The following RFPL1 variants were observed in gnomAD, a reference collection of about 807,000 sequenced individuals.
RFPL1 encodes ret finger protein like 1, also known as ret finger protein-like 1.
RFPL1 carries 6 observed loss-of-function variants against 9.6 expected under a neutral mutation model. The observed-to-expected ratio is 0.62, with a 90% confidence interval of 0.34 to 1.23. RFPL1 has a LOEUF of 1.23. Ranked by LOEUF, RFPL1 falls within the 50% of genes most tolerant of loss-of-function variation. The probability of loss-of-function intolerance (pLI) is 0.03; values close to 1 mark genes in which losing one functional copy is unlikely to be tolerated. For synonymous variants in RFPL1, 145 were observed against 149.4 expected, an observed-to-expected ratio of 0.97 and a Z score of 0.22; for missense variants, 352 against 398.4, an observed-to-expected ratio of 0.88 and a Z score of 0.99.
chr22:29,396,695 T>C, the RFPL1 span, among the ~76,000 whole-genome samples: 16 of 152,072 alleles, frequency 1.1e-4, no homozygotes, highest in Non-Finnish European at 2.2e-4. Context: ...TTCAGGCTGG[T>C]CTCGAACTCC....
chr22:29,424,840 C>CCCT, the RFPL1 span, among the ~76,000 whole-genome samples: 1 of 113,454 alleles, frequency 8.8e-6, no homozygotes, highest in Admixed American at 9.1e-5. Context: ...CCCACCCCCC[C>CCCT]CCCCGCAAAA....
the RFPL1 span, among the ~76,000 whole-genome samples, chr22:29,422,915 T>C: frequency 6.6e-6 from 1 of 152,190 alleles, no homozygotes; most frequent in Non-Finnish European, 1.5e-5. Context: ...TTGGAGCTAA[T>C]GTTCTTCCCT....
chr22:29,437,721 A>C, upstream of RFPL1: 7 of 1,588,822 alleles, frequency 4.4e-6, no homozygotes, highest in Non-Finnish European at 6.0e-6. Context: ...AGGAGCTTCC[A>C]GCAGAAGAGG....
the RFPL1 span, among the ~76,000 whole-genome samples, chr22:29,414,802 A>G: frequency 2.6e-5 from 4 of 151,152 alleles, no homozygotes; most frequent in African/African-American, 9.7e-5. Context: ...TGAGTTATGA[A>G]GCTACCTTTT....
At chr22:29,438,063 G>C (rs2062817242), upstream of RFPL1, 1 of 209,446 alleles carries the variant, frequency 4.8e-6, no homozygotes, top group Non-Finnish European at 8.9e-6. Context: ...TTGTAGAGAG[G>C]GGGTCTTCCT....
exon 1 of RFPL1, chr22:29,438,637 C>T (rs2062820957): frequency 1.4e-6 from 2 of 1,474,734 alleles, no homozygotes; most frequent in African/African-American, 1.4e-5. Context: ...TGGACCCTTC[C>T]TCCACCTCAG....
upstream of RFPL1, chr22:29,437,603 T>C (rs1421034374): frequency 6.3e-7 from 1 of 1,581,256 alleles, no homozygotes; most frequent in African/African-American, 1.4e-5. Flanking sequence ...GGTTAGAGGG[T>C]GTGGAAGGGC....
chr22:29,413,211 T>C, the RFPL1 span, among the ~76,000 whole-genome samples: 1 of 151,794 alleles, frequency 6.6e-6, no homozygotes, highest in Non-Finnish European at 1.5e-5. Context: ...TTTAAATATA[T>C]ACAATTAAAA....
At chr22:29,411,137 GGAA>G in the RFPL1 span, among the ~76,000 whole-genome samples, 1 of 152,166 alleles carries the variant, frequency 6.6e-6, no homozygotes, top group Non-Finnish European at 1.5e-5. Context: ...AGCTGGTGGA[GGAA>G]GAAGATCTAA....
exon 2 of RFPL1, chr22:29,441,734 G>A (rs1462988766): frequency 8.1e-6 from 13 of 1,613,866 alleles, no homozygotes; most frequent in Non-Finnish European, 1.1e-5. Flanking sequence ...GTGGGAACAA[G>A]CACAGAATGG....
intron 1 of RFPL1, chr22:29,441,005 C>T (rs1317321989): frequency 6.5e-6 from 1 of 153,366 alleles, no homozygotes; most frequent in Non-Finnish European, 1.5e-5. Flanking sequence ...GGCCTTGGAG[C>T]CTCCTAATGT....
chr22:29,418,491 GTCT>G, the RFPL1 span, among the ~76,000 whole-genome samples: 3 of 146,194 alleles, frequency 2.1e-5, no homozygotes, highest in African/African-American at 2.5e-5. Flanking sequence ...ATTCTTCTTC[GTCT>G]TCTTTTTTTT....
At chr22:29,403,207 C>T in the RFPL1 span, among the ~76,000 whole-genome samples, 4 of 151,774 alleles carry the variant, frequency 2.6e-5, no homozygotes, top group East Asian at 1.9e-4. Context: ...AAAAGTGAGG[C>T]GGAGCCTTGT....
At chr22:29,410,777 C>T in the RFPL1 span, among the ~76,000 whole-genome samples, 2 of 151,172 alleles carry the variant, frequency 1.3e-5, no homozygotes, top group African/African-American at 2.4e-5. Flanking sequence ...TTCCGCATCC[C>T]GAGTAGCTGG....
At chr22:29,440,385 T>C (rs2062832285) in intron 1 of RFPL1, 3 of 152,192 alleles carry the variant, frequency 2.0e-5, no homozygotes, top group African/African-American at 4.8e-5. Flanking sequence ...TGAAGGATCA[T>C]ATGTTCTGTA....
At chr22:29,414,773 C>T in the RFPL1 span, among the ~76,000 whole-genome samples, 1 of 151,516 alleles carries the variant, frequency 6.6e-6, no homozygotes, top group Non-Finnish European at 1.5e-5. Flanking sequence ...AACGGAGTAG[C>T]CCCATACTTT....
At chr22:29,431,804 C>A in the RFPL1 span, among the ~76,000 whole-genome samples, 1 of 151,964 alleles carries the variant, frequency 6.6e-6, no homozygotes, top group Non-Finnish European at 1.5e-5. Flanking sequence ...GATTCTCCTG[C>A]CTCAGCCTCC....
the RFPL1 span, among the ~76,000 whole-genome samples, chr22:29,400,140 A>C: frequency 2.6e-5 from 4 of 151,540 alleles, no homozygotes; most frequent in Non-Finnish European, 4.4e-5. Context: ...GGACTACAGG[A>C]GCCCGCCACC....
At chr22:29,434,199 T>C (rs2062798010), upstream of RFPL1, among the ~76,000 whole-genome samples, 1 of 152,218 alleles carries the variant, frequency 6.6e-6, no homozygotes, top group South Asian at 2.1e-4. Flanking sequence ...AGATATTCAT[T>C]AGATATCTAT....
Sources: gnomAD v4.1 joint callset for allele counts (sites outside exome capture counted in the v4.1 genomes callset) on GRCh38, gnomAD v4.1.1 for gene constraint, MANE v1.5 for transcripts, NCBI Gene and HGNC (gene_info 2026-07-23, HGNC 2026-07-21) for gene names.